ASCC3: variants seen among roughly 807,000 people sequenced by gnomAD.
ASCC3 encodes ASC-1 complex subunit P200.
In ASCC3, 158 loss-of-function variants were observed where a neutral mutation model predicts 256.3. The ratio of observed to expected loss-of-function variants is 0.62; its 90% confidence interval spans 0.54 to 0.70. ASCC3 has a LOEUF of 0.70. ASCC3 is among the 30% of genes least tolerant of loss of function. The probability of loss-of-function intolerance (pLI) is 0.00; values close to 1 mark genes in which losing one functional copy is unlikely to be tolerated. For synonymous variants in ASCC3, 948 were observed against 883.4 expected, an observed-to-expected ratio of 1.07 and a Z score of -1.30; for missense variants, 2,259 against 2,626.0, an observed-to-expected ratio of 0.86 and a Z score of 3.05.
intron 13 of ASCC3, among the ~76,000 whole-genome samples, chr6:100,681,725 C>CAAAAAAAAAAAAAAAAAAAAA (rs10696130): frequency 1.7e-5 from 1 of 58,658 alleles, no homozygotes; most frequent in South Asian, 8.5e-4. Context: ...GACTCCGTCT[C>CAAAAAAAAAAAAAAAAAAAAA]AAAAAAAAAA....
chr6:100,574,095 G>A (rs1770737032), intron 36 of ASCC3, among the ~76,000 whole-genome samples: 1 of 152,066 alleles, frequency 6.6e-6, no homozygotes, highest in Non-Finnish European at 1.5e-5. Context: ...TTATCCCTTT[G>A]TTTTCATTAA....
chr6:100,637,736 C>T (rs1000168336), intron 25 of ASCC3, among the ~76,000 whole-genome samples: 2 of 152,100 alleles, frequency 1.3e-5, no homozygotes, highest in Admixed American at 6.5e-5. Flanking sequence ...GGGTTCAAGA[C>T]CTCAATAGGG....
At chr6:100,547,891 A>T (rs1044857810) in intron 36 of ASCC3, among the ~76,000 whole-genome samples, 1 of 151,982 alleles carries the variant, frequency 6.6e-6, no homozygotes, top group African/African-American at 2.4e-5. Context: ...AATCAGAAAA[A>T]AACTTAAATG....
intron 16 of ASCC3, among the ~76,000 whole-genome samples, chr6:100,657,358 T>C (rs76530966): frequency 0.015 from 2,331 of 151,548 alleles, 23 homozygotes; most frequent in East Asian, 0.045. Flanking sequence ...GGGAGCTGTG[T>C]AACAATTCAT....
intron 10 of ASCC3, 133 bp from the exon 11 acceptor site, chr6:100,725,836 T>A: frequency 2.4e-6 from 2 of 846,622 alleles, no homozygotes; most frequent in Non-Finnish European, 3.8e-6. Flanking sequence ...AGCCTAGAAT[T>A]ACATCTAATT....
intron 14 of ASCC3, among the ~76,000 whole-genome samples, chr6:100,673,433 A>G (rs569732906): frequency 1.5e-4 from 23 of 152,212 alleles, no homozygotes; most frequent in African/African-American, 5.3e-4. Flanking sequence ...TAATTAACAT[A>G]TTTTTGTCAA....
intron 13 of ASCC3, among the ~76,000 whole-genome samples, chr6:100,685,741 T>C (rs1777539888): frequency 1.3e-5 from 2 of 152,220 alleles, no homozygotes; most frequent in Admixed American, 1.3e-4. Flanking sequence ...CATGACAGCA[T>C]GTAGGCACAG....
rs191607857 is a variant in ASCC3, at chr6:100,509,145, T to C, written c.*241A>G. On this transcript the variant is annotated 3_prime_UTR_variant, in exon 42 of 42. Transcript: ENST00000369162. The stretch of plus-strand genomic sequence containing the variant: ...AAATTAAAAGATTATTCTAAATGCT[T>C]TTTCATCTTACATATCAAGAAACTC... The C allele has an allele frequency of 3.9e-6, 2 of 519,232 alleles. No homozygotes were observed. Among genetic ancestry groups the C allele is most frequent in the Admixed American group, 3.2e-5 (1 of 31,004 alleles). 32.2% of individuals were successfully genotyped at this position (519,232 alleles called of 1,614,324 possible).
At position 100,638,605 on chromosome 6, in the gene ASCC3, G is replaced by A; in HGVS notation, c.4118C>T (p.Ser1373Leu). ...AGTATGATTCTTTCAACAGACCTTTGAAGTAGGGTATTTGTTGAAGACTCT... is the reference window on the plus strand; with the variant it reads ...AGTATGATTCTTTCAACAGACCTTTAAAGTAGGGTATTTGTTGAAGACTCT... ...IFRVFNKYPTSKAVYIAPLKA... is the reference protein window; with the variant it reads ...IFRVFNKYPTLKAVYIAPLKA... The change falls in exon 25 of 42, where the codon TCA (serine) becomes TTA (leucine). Residue 1373 changes from serine (S) to leucine (L), a missense_variant. Ser to Leu is a moderately radical substitution (Grantham distance 145). Around this residue, in one of 2 missense-constraint regions of ASCC3, gnomAD observed 1,839 missense variants for 2,206.7 expected, o/e 0.83. Coordinates refer to ENST00000369162, the MANE Select transcript of ASCC3 (RefSeq NM_006828.4). The A allele has an allele frequency of 6.2e-7, 1 of 1,604,734 alleles. No individual in the cohort carries two copies. The highest frequency in any genetic ancestry group is 8.5e-7 in the Non-Finnish European group (1 of 1,171,612).
intron 13 of ASCC3, among the ~76,000 whole-genome samples, chr6:100,695,846 G>A (rs753860194): frequency 1.3e-5 from 2 of 152,090 alleles, no homozygotes; most frequent in African/African-American, 2.4e-5. Context: ...GCTGGCTCTC[G>A]CCATGTAGAT....
At chr6:100,709,172 C>T (rs1243686670) in intron 13 of ASCC3, among the ~76,000 whole-genome samples, 1 of 152,146 alleles carries the variant, frequency 6.6e-6, no homozygotes, top group African/African-American at 2.4e-5. Flanking sequence ...ACATTATGGT[C>T]ATACGGCAAG....
intron 16 of ASCC3, 59 bp downstream of exon 16, chr6:100,661,747 T>G: frequency 6.5e-7 from 1 of 1,535,132 alleles, no homozygotes. Context: ...ATCTTCATCT[T>G]TCTTGGTCAT....
intron 10 of ASCC3, among the ~76,000 whole-genome samples, chr6:100,726,001 A>C (rs1269416867): frequency 6.6e-6 from 1 of 151,534 alleles, no homozygotes; most frequent in African/African-American, 2.4e-5. Flanking sequence ...TAAAAAAAAA[A>C]AAAACAGTAA....
intron 33 of ASCC3, among the ~76,000 whole-genome samples, chr6:100,604,493 T>C (rs1772787447): frequency 6.6e-6 from 1 of 152,038 alleles, no homozygotes; most frequent in Non-Finnish European, 1.5e-5. Flanking sequence ...TTTCACCCTG[T>C]TGCTCAAATT....
At chr6:100,551,359 A>G (rs939419427) in intron 36 of ASCC3, among the ~76,000 whole-genome samples, 7 of 151,972 alleles carry the variant, frequency 4.6e-5, no homozygotes, top group Non-Finnish European at 5.9e-5. Context: ...ATAATGAGGA[A>G]GAGGTACATA....
chr6:100,597,736 G>T (rs1423977827), intron 34 of ASCC3, among the ~76,000 whole-genome samples: 3 of 150,650 alleles, frequency 2.0e-5, no homozygotes, highest in Non-Finnish European at 4.4e-5. Flanking sequence ...ACTTTGGGAG[G>T]CCGAGATGGG....
intron 25 of ASCC3, among the ~76,000 whole-genome samples, chr6:100,637,742 T>A (rs1035297579): frequency 4.6e-5 from 7 of 151,944 alleles, no homozygotes; most frequent in African/African-American, 1.4e-4. Context: ...AAGACCTCAA[T>A]AGGGAAAGGC....
intron 14 of ASCC3, among the ~76,000 whole-genome samples, chr6:100,663,141 TC>T (rs1776307056): frequency 6.6e-6 from 1 of 152,056 alleles, no homozygotes; most frequent in Admixed American, 6.6e-5. Context: ...CCAGCTTTGT[TC>T]ACCTACAGCT....
chr6:100,557,952 C>T (rs1418355906), intron 36 of ASCC3, among the ~76,000 whole-genome samples: 1 of 151,616 alleles, frequency 6.6e-6, no homozygotes, highest in Non-Finnish European at 1.5e-5. Flanking sequence ...TTGTTATTTT[C>T]TCCAGAATCA....
Sources: allele counts gnomAD v4.1 joint callset (sites outside exome capture counted in the v4.1 genomes callset), GRCh38; gene constraint gnomAD v4.1.1; regional missense constraint gnomAD v4.1.1; transcripts MANE v1.5; gene names NCBI Gene and HGNC (gene_info 2026-07-23, HGNC 2026-07-21).